The following MCC variants were observed in gnomAD, a reference collection of about 807,000 sequenced individuals.
The protein encoded by MCC is colorectal mutant cancer protein.
MCC carries 90 observed loss-of-function variants against 116.2 expected under a neutral mutation model. The observed-to-expected ratio is 0.77, with a 90% confidence interval of 0.65 to 0.92. The LOEUF is 0.92. MCC is among the 40% of genes least tolerant of loss of function. The pLI is 0.00. For missense variants in MCC, 1,516 were observed against 1,312.2 expected, an observed-to-expected ratio of 1.16 and a Z score of -2.40; for synonymous variants, 578 against 510.5, an observed-to-expected ratio of 1.13 and a Z score of -1.78.
At chr5:113,031,228 A>AT (rs1453365548) in intron 17 of MCC, among the ~76,000 whole-genome samples, 1 of 152,002 alleles carries the variant, frequency 6.6e-6, no homozygotes, top group Non-Finnish European at 1.5e-5. Context: ...CCCAGAACTC[A>AT]TTTTTCAGTA....
chr5:113,268,088 T>C lies in MCC; in HGVS notation c.627+72431A>G, dbSNP rs1581343330. ...GTAGCCAACGAATCTTCTATCTTAA[T>C]CCAGGCCTCAACTCTACAAACCTGG... On this transcript the variant is annotated intron_variant, in intron 3 of 18. Coordinates refer to ENST00000408903, the MANE Select transcript of MCC (RefSeq NM_001085377.2). Among the ~76,000 whole-genome samples the C allele has an allele frequency of 2.0e-5, 3 of 152,148 alleles. No individual in the cohort carries two copies. In the East Asian group the frequency reaches 5.8e-4, roughly 29 times the overall value.
At position 113,333,844 on chromosome 5, in the gene MCC, T is replaced by TACATATATGTAC. The variant is rs368087327; in HGVS notation, c.627+6674_627+6675insGTACATATATGT. On this transcript the variant is annotated intron_variant, in intron 3 of 18. Coordinates refer to ENST00000408903, the MANE Select transcript of MCC (RefSeq NM_001085377.2). ...ACATATATGTATATATGTATATATGTATATATGTACATATATGTATATATG... is the reference window on the plus strand; with the variant it reads ...ACATATATGTATATATGTATATATGTACATATATGTACATATATGTACATATATGTATATATG... Among the ~76,000 whole-genome samples the TACATATATGTAC allele has an allele frequency of 1.1e-3, 56 of 52,166 alleles. 6 individuals carry two copies. The highest frequency in any genetic ancestry group is 3.1e-3 in the African/African-American group (51 of 16,212). 34.2% of individuals were successfully genotyped at this position (52,166 alleles called of 152,430 possible). A position where few individuals can be genotyped will look rare whatever the true frequency, so the allele number is the denominator to read the frequency against.
At chr5:113,049,977 G>A (rs1752379167) in intron 15 of MCC, among the ~76,000 whole-genome samples, 1 of 152,210 alleles carries the variant, frequency 6.6e-6, no homozygotes, top group Non-Finnish European at 1.5e-5. Context: ...AATACGAAGT[G>A]AATCCAAAAT....
Position 113,122,831 on chromosome 5 carries a change from GA to G in MCC, c.885-6del, listed in dbSNP as rs1268959699. ...TCTGAGTACTCATCTTCCTCCCTGA[GA>G]AAAAAGGAGAATTGGCAACCACTAA... On this transcript the variant is annotated splice_region_variant and splice_polypyrimidine_tract_variant and intron_variant, in intron 5 of 18. Transcript: ENST00000408903. The G allele has an allele frequency of 3.1e-6, 5 of 1,613,142 alleles. No individual in the cohort carries two copies. The highest frequency in any genetic ancestry group is 4.2e-6 in the Non-Finnish European group (5 of 1,179,706).
chr5:113,259,519 A>C (rs1765142517), intron 3 of MCC, among the ~76,000 whole-genome samples: 1 of 152,154 alleles, frequency 6.6e-6, no homozygotes, highest in South Asian at 2.1e-4. Context: ...AAGAAAAAAA[A>C]ATTAATTGGA....
chr5:113,144,820 T>C (rs1759395292), intron 4 of MCC, among the ~76,000 whole-genome samples: 3 of 152,272 alleles, frequency 2.0e-5, no homozygotes, highest in South Asian at 2.1e-4. Context: ...TTCAGGAAAA[T>C]ACTCATGTGA....
At chr5:113,383,053 T>G (rs1489708747) in intron 2 of MCC, among the ~76,000 whole-genome samples, 1 of 152,244 alleles carries the variant, frequency 6.6e-6, no homozygotes, top group Admixed American at 6.5e-5. Flanking sequence ...TCTTCCAAGC[T>G]GGTCAAACCA....
At chr5:113,297,300 A>G (rs1412259615) in intron 3 of MCC, among the ~76,000 whole-genome samples, 1 of 152,132 alleles carries the variant, frequency 6.6e-6, no homozygotes, top group East Asian at 1.9e-4. Flanking sequence ...TCAGGAATTC[A>G]AGGTCCAGCC....
intron 3 of MCC, among the ~76,000 whole-genome samples, chr5:113,192,388 T>C (rs1762189789): frequency 6.6e-6 from 1 of 152,222 alleles, no homozygotes; most frequent in South Asian, 2.1e-4. Flanking sequence ...ACTAAGAAAT[T>C]TTCCCTCTTC....
At chr5:113,329,109 C>T (rs1767634342) in intron 3 of MCC, among the ~76,000 whole-genome samples, 1 of 152,136 alleles carries the variant, frequency 6.6e-6, no homozygotes, top group Non-Finnish European at 1.5e-5. Flanking sequence ...GGGGATCATA[C>T]CTATATATGC....
intron 3 of MCC, among the ~76,000 whole-genome samples, chr5:113,297,954 T>G (rs1249958836): frequency 2.0e-5 from 3 of 152,082 alleles, no homozygotes; most frequent in Non-Finnish European, 4.4e-5. Flanking sequence ...AAATTAGGTT[T>G]GTGGTATCAT....
chr5:113,284,577 C>A (rs973667792), intron 3 of MCC, among the ~76,000 whole-genome samples: 22 of 152,186 alleles, frequency 1.4e-4, no homozygotes, highest in Middle Eastern at 3.2e-3. Context: ...AAAATAAAAT[C>A]TCAGTACTAC....
intron 1 of MCC, among the ~76,000 whole-genome samples, chr5:113,423,006 C>A (rs549982229): frequency 2.0e-5 from 3 of 152,296 alleles, no homozygotes; most frequent in Non-Finnish European, 4.4e-5. Flanking sequence ...CAAATCAATA[C>A]TCATCGTGTT....
At chr5:113,276,652 G>A (rs939434786) in intron 3 of MCC, among the ~76,000 whole-genome samples, 2 of 152,008 alleles carry the variant, frequency 1.3e-5, no homozygotes, top group Non-Finnish European at 1.5e-5. Context: ...TTTGAGACAG[G>A]GTCTGGCTCT....
rs143360005 is a variant in MCC, at chr5:113,393,469, T to C, written c.171-8257A>G. On this transcript the variant is annotated intron_variant, in intron 1 of 18. Transcript: ENST00000408903. ...AGATGAATGATCCAAAATGTCATTT[T>C]GGAACTTTTGTTCATCCTTACAGAC... Among the ~76,000 whole-genome samples, 709 of 152,348 alleles carry C rather than the reference T, an allele frequency of 4.7e-3. 9 individuals are homozygous for C. The highest frequency in any genetic ancestry group is 0.016 in the African/African-American group (686 of 41,576).
At chr5:113,255,401 G>A (rs1211996020) in intron 3 of MCC, among the ~76,000 whole-genome samples, 1 of 152,146 alleles carries the variant, frequency 6.6e-6, no homozygotes, top group Non-Finnish European at 1.5e-5. Context: ...TGAATTCCAT[G>A]AGTGCCTGTA....
chr5:113,411,169 G>C (rs551218104), intron 1 of MCC, among the ~76,000 whole-genome samples: 1 of 152,264 alleles, frequency 6.6e-6, no homozygotes, highest in East Asian at 1.9e-4. Flanking sequence ...CTAGATCCTT[G>C]AGGAATTGCC....
Position 113,273,140 on chromosome 5 carries a change from G to C in MCC, c.627+67379C>G, listed in dbSNP as rs371766291. Among the ~76,000 whole-genome samples the C allele has an allele frequency of 1.8e-4, 27 of 152,308 alleles. 4 individuals carry two copies. Among genetic ancestry groups the C allele is most frequent in the Admixed American group, 7.2e-4 (11 of 15,298 alleles). ...ATCTTAATCTGTATTTATCAGAACA[G>C]TACTGAGGGGCTGAAGGTGACAATG... On this transcript the variant is annotated intron_variant, in intron 3 of 18. Transcript: ENST00000408903.
chr5:113,414,030 C>G (rs940763464), intron 1 of MCC, among the ~76,000 whole-genome samples: 1 of 151,962 alleles, frequency 6.6e-6, no homozygotes, highest in Non-Finnish European at 1.5e-5. Context: ...TTGTTATTTA[C>G]CTAGTAGTCA....
Sources: allele counts gnomAD v4.1 joint callset (sites outside exome capture counted in the v4.1 genomes callset), GRCh38; gene constraint gnomAD v4.1.1; transcripts MANE v1.5; gene names NCBI Gene and HGNC (gene_info 2026-07-23, HGNC 2026-07-21).